Variants in FANK1 observed in about 807,000 individuals in gnomAD.
The protein encoded by FANK1 is fibronectin type III and ankyrin repeat domains 1.
A neutral mutation model predicts 45.3 loss-of-function variants in FANK1; 44 were observed. The ratio of observed to expected loss-of-function variants is 0.97; its 90% CI spans 0.76 to 1.25. The LOEUF is 1.25. FANK1 is among the 50% of genes most tolerant of loss of function. The pLI is 0.00. For synonymous variants in FANK1, 149 were observed against 152.5 expected (o/e 0.98, Z 0.17); for missense variants, 391 against 424.4 (o/e 0.92, Z 0.69).
chr10:125,954,070 T>C (rs1949419862), intron 1 of FANK1, among the ~76,000 whole-genome samples: 1 of 75,886 alleles, frequency 1.3e-5, no homozygotes, highest in African/African-American at 4.0e-5. Flanking sequence ...TGCTGCTGTG[T>C]CCTATCTCCA....
At chr10:125,949,776 A>G (rs1419469063) in intron 1 of FANK1, among the ~76,000 whole-genome samples, 1 of 150,384 alleles carries the variant, frequency 6.6e-6, no homozygotes, top group Admixed American at 6.7e-5. Flanking sequence ...TTTAAAGTTC[A>G]TATGGAACCA....
intron 3 of FANK1, among the ~76,000 whole-genome samples, chr10:125,990,900 A>G (rs1036331687): frequency 6.6e-6 from 1 of 152,184 alleles, no homozygotes; most frequent in Non-Finnish European, 1.5e-5. Context: ...AAGAGAGAGC[A>G]TGTGCAGGGG....
chr10:125,912,726 C>T (rs1365107335), intron 1 of FANK1, among the ~76,000 whole-genome samples: 2 of 152,186 alleles, frequency 1.3e-5, no homozygotes, highest in Non-Finnish European at 2.9e-5. Flanking sequence ...CAACCTCCAC[C>T]TCCTGAGTTC....
chr10:125,896,836 C>A (rs150544129), intron 1 of FANK1, among the ~76,000 whole-genome samples, 181 bp downstream of exon 1: 34 of 151,042 alleles, frequency 2.3e-4, no homozygotes, highest in Middle Eastern at 3.4e-3. Flanking sequence ...TACATCCTGC[C>A]AAGTCTGTAT....
At chr10:125,905,017 G>C (rs1589777325) in intron 1 of FANK1, among the ~76,000 whole-genome samples, 1 of 151,130 alleles carries the variant, frequency 6.6e-6, no homozygotes, top group Non-Finnish European at 1.5e-5. Context: ...TGTAGTCCCA[G>C]CTACCAGGGA....
chr10:125,981,007 A>G (rs1357094264), intron 2 of FANK1: 4 of 128,652 alleles, frequency 3.1e-5, no homozygotes, highest in Non-Finnish European at 7.0e-5. Context: ...TTACTTGTTT[A>G]CTTGTTTGCT....
intron 1 of FANK1, chr10:125,907,452 T>C: frequency 3.0e-6 from 3 of 983,780 alleles, no homozygotes; most frequent in Non-Finnish European, 3.6e-6. Flanking sequence ...CTCTTCCTTT[T>C]TTAGTGTGGA....
chr10:125,958,889 T>G (rs1949744346), intron 1 of FANK1, among the ~76,000 whole-genome samples: 1 of 152,224 alleles, frequency 6.6e-6, no homozygotes, highest in African/African-American at 2.4e-5. Flanking sequence ...GGAATTAATT[T>G]TTTTGAATTA....
At chr10:125,984,336 C>T (rs1373484351) in intron 2 of FANK1, among the ~76,000 whole-genome samples, 1 of 152,176 alleles carries the variant, frequency 6.6e-6, no homozygotes, top group Non-Finnish European at 1.5e-5. Context: ...GAATGACATA[C>T]TTCACTTCTG....
At chr10:125,969,908 A>G (rs1950389797) in intron 1 of FANK1, among the ~76,000 whole-genome samples, 1 of 152,224 alleles carries the variant, frequency 6.6e-6, no homozygotes, top group Non-Finnish European at 1.5e-5. Context: ...CCCTGAGTTG[A>G]CACAGCACAT....
At chr10:125,933,282 A>G (rs1347103253) in intron 1 of FANK1, among the ~76,000 whole-genome samples, 1 of 151,544 alleles carries the variant, frequency 6.6e-6, no homozygotes, top group Non-Finnish European at 1.5e-5. Context: ...TTTTGTTGGT[A>G]ATTTTTAAAT....
intron 1 of FANK1, among the ~76,000 whole-genome samples, chr10:125,926,758 C>T (rs1326402367): frequency 6.6e-6 from 1 of 152,068 alleles, no homozygotes. Context: ...AGATCTTCCA[C>T]TTGAGATCAT....
chr10:125,900,093 C>T (rs1240035142), intron 1 of FANK1, among the ~76,000 whole-genome samples: 26 of 152,276 alleles, frequency 1.7e-4, no homozygotes, highest in African/African-American at 4.8e-4. Context: ...ATACTCTTGG[C>T]AGCAAGCAGA....
chr10:125,898,754 CTCA>C (rs753913563), intron 1 of FANK1, among the ~76,000 whole-genome samples: 3 of 152,092 alleles, frequency 2.0e-5, no homozygotes, highest in Non-Finnish European at 4.4e-5. Context: ...ACATTTATAT[CTCA>C]TGTCATTGGA....
At chr10:125,989,203 C>A in intron 3 of FANK1, 3 of 1,342,798 alleles carry the variant, frequency 2.2e-6, no homozygotes, top group Non-Finnish European at 3.1e-6. Context: ...ACCTCTGAGC[C>A]CTTCAGCCGG....
Position 125,988,559 on chromosome 10 carries a change from C to T in FANK1, c.200C>T (p.Ala67Val). 2 of 1,614,084 alleles carry T rather than the reference C, an allele frequency of 1.2e-6. No homozygotes were observed. The highest frequency in any genetic ancestry group is 8.5e-7 in the Non-Finnish European group (1 of 1,179,970). The change falls in exon 3 of 11, where the codon GCA (alanine) becomes GTA (valine). Residue 67 changes from alanine (A) to valine (V), a missense_variant. By Grantham distance (64) the Ala-to-Val change is moderately conservative (BLOSUM62 0). Coordinates refer to ENST00000368693, the MANE Select transcript of FANK1 (RefSeq NM_145235.5). ...HTYGIIYTGY[A>V]TKHVVEGLEP... Reference sequence around the variant, plus strand: ...TGTCTCCTCCTGTCTAGGGGATATGCAACGAAGCATGTTGTTGAAGGTCTG... The same window carrying T: ...TGTCTCCTCCTGTCTAGGGGATATGTAACGAAGCATGTTGTTGAAGGTCTG...
intron 3 of FANK1, chr10:125,994,279 C>A (rs1407753010): frequency 5.7e-6 from 3 of 529,042 alleles, no homozygotes; most frequent in Non-Finnish European, 7.3e-6. Context: ...AGGCTGAAAG[C>A]AGGCACTACA....
intron 1 of FANK1, among the ~76,000 whole-genome samples, chr10:125,951,186 A>T (rs1278690715): frequency 2.0e-5 from 3 of 151,132 alleles, no homozygotes; most frequent in Non-Finnish European, 4.4e-5. Flanking sequence ...TGGCACATGT[A>T]TACATATGTA....
chr10:125,911,859 T>G (rs1946039179), intron 1 of FANK1, among the ~76,000 whole-genome samples: 1 of 152,182 alleles, frequency 6.6e-6, no homozygotes, highest in Admixed American at 6.5e-5. Flanking sequence ...TGCATACCTT[T>G]GTGTCCTTCC....
Sources: gnomAD v4.1 joint callset for allele counts (sites outside exome capture counted in the v4.1 genomes callset) on GRCh38, gnomAD v4.1.1 for gene constraint, MANE v1.5 for transcripts, NCBI Gene and HGNC (gene_info 2026-07-23, HGNC 2026-07-21) for gene names.